The following FER variants were observed in gnomAD, a reference collection of about 807,000 sequenced individuals.
The protein encoded by FER is FER tyrosine kinase.
In FER, 63 loss-of-function variants were observed where a neutral mutation model predicts 111.0. That is an observed-to-expected ratio of 0.57 (90% CI 0.46 to 0.70). The LOEUF (loss-of-function observed/expected upper bound fraction) is 0.70, where lower values mean the gene tolerates loss of function less well. Among genes scored for constraint, FER ranks in the 30% least tolerant of loss-of-function variants. FER has a pLI of 0.00. For synonymous variants in FER, 327 were observed against 313.9 expected, an observed-to-expected ratio of 1.04 and a Z score of -0.44; for missense variants, 914 against 954.0, an observed-to-expected ratio of 0.96 and a Z score of 0.55.
At chr5:109,126,932 T>G (rs773311901) in intron 17 of FER, among the ~76,000 whole-genome samples, 34 of 152,134 alleles carry the variant, frequency 2.2e-4, no homozygotes, top group Admixed American at 9.8e-4. Flanking sequence ...ATGTGAAGAT[T>G]AGGGAGAACA....
chr5:109,034,703 A>G (rs1201545534), intron 13 of FER, among the ~76,000 whole-genome samples: 2 of 151,918 alleles, frequency 1.3e-5, no homozygotes, highest in Non-Finnish European at 2.9e-5. Context: ...TTGTTTCTAC[A>G]TTTCAACCTA....
intron 3 of FER, among the ~76,000 whole-genome samples, chr5:108,804,082 TA>T (rs1302423828): frequency 6.6e-6 from 1 of 152,200 alleles, no homozygotes; most frequent in African/African-American, 2.4e-5. Context: ...TGTTTTATTT[TA>T]TTTTTTTGTT....
intron 5 of FER, among the ~76,000 whole-genome samples, chr5:108,863,301 A>C (rs1045996227): frequency 2.0e-5 from 3 of 152,052 alleles, no homozygotes; most frequent in Admixed American, 6.6e-5. Flanking sequence ...TTTGTATTTT[A>C]GTAGAGATGG....
intron 16 of FER, chr5:109,052,333 T>A: frequency 1.3e-6 from 2 of 1,598,874 alleles, no homozygotes; most frequent in Non-Finnish European, 8.6e-7. Context: ...CCAGGCTGAC[T>A]CAACCACTGT....
intron 15 of FER, 57 bp from the exon 16 acceptor site, chr5:109,047,047 C>T (rs996387846): frequency 1.0e-6 from 1 of 981,760 alleles, no homozygotes; most frequent in Non-Finnish European, 1.5e-6. Flanking sequence ...TTTGTGATCA[C>T]AAATTAATGC....
chr5:109,068,180 C>CT (rs201278494), intron 16 of FER, among the ~76,000 whole-genome samples: 31,199 of 144,658 alleles, frequency 0.22, 3,457 homozygotes, highest in Non-Finnish European at 0.23. Context: ...TCAGTCATCT[C>CT]TTTTTTTTTT....
chr5:108,927,503 C>T (rs1222932833), intron 10 of FER, among the ~76,000 whole-genome samples: 4 of 151,910 alleles, frequency 2.6e-5, no homozygotes, highest in African/African-American at 4.8e-5. Context: ...TCATGATCCA[C>T]CTGCCTCGGC....
At chr5:108,896,208 G>C (rs1402898192) in intron 9 of FER, among the ~76,000 whole-genome samples, 1 of 151,748 alleles carries the variant, frequency 6.6e-6, no homozygotes, top group Non-Finnish European at 1.5e-5. Flanking sequence ...GAAACCCTCT[G>C]GAAGCTTTAA....
chr5:108,974,839 T>C (rs988748653), intron 13 of FER, among the ~76,000 whole-genome samples: 5 of 152,190 alleles, frequency 3.3e-5, no homozygotes, highest in Non-Finnish European at 4.4e-5. Context: ...TATTTCCTTA[T>C]AACCTGCAAA....
intron 1 of FER, among the ~76,000 whole-genome samples, chr5:108,761,224 G>T (rs970718886): frequency 2.6e-5 from 4 of 152,050 alleles, no homozygotes; most frequent in Admixed American, 2.0e-4. Flanking sequence ...CACTGCACCT[G>T]GCCTATTTTG....
intron 13 of FER, among the ~76,000 whole-genome samples, chr5:108,977,684 C>T (rs534785408): frequency 6.6e-6 from 1 of 152,294 alleles, no homozygotes; most frequent in Admixed American, 6.5e-5. Context: ...TTTATATACT[C>T]CCTTTTCCTC....
intron 17 of FER, among the ~76,000 whole-genome samples, chr5:109,164,935 C>G (rs574054694): frequency 6.6e-6 from 1 of 152,246 alleles, no homozygotes; most frequent in Admixed American, 6.5e-5. Flanking sequence ...TGTCTCACTT[C>G]TTTGCTCCTG....
intron 9 of FER, among the ~76,000 whole-genome samples, chr5:108,895,400 G>A (rs889383405): frequency 3.3e-5 from 5 of 152,158 alleles, no homozygotes; most frequent in African/African-American, 1.2e-4. Context: ...TCACAAGTCA[G>A]AAATCAGTTT....
At chr5:109,011,214 TAAA>T (rs1306951209) in intron 13 of FER, among the ~76,000 whole-genome samples, 9 of 152,038 alleles carry the variant, frequency 5.9e-5, no homozygotes, top group Non-Finnish European at 1.2e-4. Context: ...TTCTAAGACT[TAAA>T]AAGTGGGACA....
chr5:109,133,621 G>C (rs953854716), intron 17 of FER, among the ~76,000 whole-genome samples: 2 of 152,078 alleles, frequency 1.3e-5, no homozygotes, highest in Admixed American at 6.6e-5. Flanking sequence ...AAGCACATTT[G>C]ACTATTTGAA....
At chr5:108,966,234 A>G (rs890696263) in intron 13 of FER, among the ~76,000 whole-genome samples, 1 of 152,144 alleles carries the variant, frequency 6.6e-6, no homozygotes, top group African/African-American at 2.4e-5. Context: ...TTGAAGGGAA[A>G]TGGGCATAGG....
At chr5:109,109,777 C>T (rs567376918) in intron 17 of FER, among the ~76,000 whole-genome samples, 45 of 152,180 alleles carry the variant, frequency 3.0e-4, no homozygotes, top group African/African-American at 9.4e-4. Context: ...AGCAAATGCA[C>T]GATATTTCAA....
At chr5:108,880,742 TAAAGAAA>T (rs1216619815) in intron 8 of FER, among the ~76,000 whole-genome samples, 1 of 152,052 alleles carries the variant, frequency 6.6e-6, no homozygotes, top group Non-Finnish European at 1.5e-5. Context: ...TATATATGAT[TAAAGAAA>T]AATGTTCAAT....
chr5:108,848,077 G>A (rs773682479), intron 5 of FER, among the ~76,000 whole-genome samples: 4 of 151,908 alleles, frequency 2.6e-5, no homozygotes, highest in Admixed American at 2.0e-4. Context: ...ATGGGGTTTC[G>A]CCATCTTCCC....
Sources: gnomAD v4.1 joint callset for allele counts (sites outside exome capture counted in the v4.1 genomes callset) on GRCh38, gnomAD v4.1.1 for gene constraint, MANE v1.5 for transcripts, NCBI Gene and HGNC (gene_info 2026-07-23, HGNC 2026-07-21) for gene names.